Variants in CNTNAP5 observed in about 807,000 individuals in gnomAD.
The protein encoded by CNTNAP5 is contactin-associated protein-like 5.
A neutral mutation model predicts 150.2 loss-of-function variants in CNTNAP5; 72 were observed. The ratio of observed to expected loss-of-function variants is 0.48; its 90% CI spans 0.40 to 0.58. The LOEUF (loss-of-function observed/expected upper bound fraction) is 0.58, where lower values mean the gene tolerates loss of function less well. Ranked by LOEUF, CNTNAP5 falls within the 20% of genes least tolerant of loss-of-function variation. CNTNAP5 has a pLI of 0.00. For synonymous variants in CNTNAP5, 672 were observed against 619.8 expected (o/e 1.08, Z -1.25); for missense variants, 1,636 against 1,626.2 (o/e 1.01, Z -0.10).
intron 4 of CNTNAP5, among the ~76,000 whole-genome samples, chr2:124,425,393 T>A (rs1692215205): frequency 2.0e-5 from 3 of 152,338 alleles, no homozygotes; most frequent in African/African-American, 7.2e-5. Context: ...ACACTGTGGC[T>A]TAAGACTACT....
chr2:124,589,391 G>A (rs905629604), intron 11 of CNTNAP5, among the ~76,000 whole-genome samples: 10 of 152,094 alleles, frequency 6.6e-5, no homozygotes, highest in African/African-American at 2.4e-4. Context: ...AATATTTCAT[G>A]GTATGGAAAT....
chr2:124,386,169 T>G (rs1690922002), intron 3 of CNTNAP5, among the ~76,000 whole-genome samples: 1 of 152,206 alleles, frequency 6.6e-6, no homozygotes, highest in Non-Finnish European at 1.5e-5. Context: ...TGCCTGCCTT[T>G]GTATGATAGC....
At chr2:124,524,644 C>T (rs555444032) in intron 9 of CNTNAP5, among the ~76,000 whole-genome samples, 192 bp downstream of exon 9, 41 of 152,230 alleles carry the variant, frequency 2.7e-4, no homozygotes, top group South Asian at 2.1e-3. Context: ...CAGCTGTGTG[C>T]AAATATAAAT....
intron 1 of CNTNAP5, among the ~76,000 whole-genome samples, chr2:124,145,677 G>A (rs1379550767): frequency 2.3e-5 from 3 of 129,342 alleles, no homozygotes; most frequent in Admixed American, 8.0e-5. Flanking sequence ...ATAGCATTGG[G>A]AGATATACCT....
intron 3 of CNTNAP5, among the ~76,000 whole-genome samples, chr2:124,320,236 A>C (rs1007412907): frequency 1.3e-5 from 2 of 152,180 alleles, no homozygotes; most frequent in African/African-American, 4.8e-5. Flanking sequence ...TTTAATGGAA[A>C]CAGATGTTGA....
At chr2:124,027,498 C>T (rs533755963) in intron 1 of CNTNAP5, among the ~76,000 whole-genome samples, 2 of 152,316 alleles carry the variant, frequency 1.3e-5, no homozygotes, top group South Asian at 2.1e-4. Flanking sequence ...CTTTCTAATG[C>T]AACACCTTTT....
intron 1 of CNTNAP5, among the ~76,000 whole-genome samples, chr2:124,069,558 C>T (rs1345871510): frequency 6.6e-6 from 1 of 151,834 alleles, no homozygotes; most frequent in Non-Finnish European, 1.5e-5. Flanking sequence ...GTGCTGGCTT[C>T]AGGTCTGAAC....
intron 19 of CNTNAP5, among the ~76,000 whole-genome samples, chr2:124,845,820 A>T (rs894409586): frequency 6.6e-6 from 1 of 152,188 alleles, no homozygotes; most frequent in South Asian, 2.1e-4. Flanking sequence ...TTTTTGTGTT[A>T]TCAGTAGTAA....
At chr2:124,341,809 C>T (rs992576710) in intron 3 of CNTNAP5, among the ~76,000 whole-genome samples, 2 of 152,058 alleles carry the variant, frequency 1.3e-5, no homozygotes, top group African/African-American at 4.8e-5. Flanking sequence ...TTGTAGTTTG[C>T]GTGTTATGAG....
intron 17 of CNTNAP5, among the ~76,000 whole-genome samples, chr2:124,776,950 AT>A (rs980921461): frequency 6.6e-6 from 1 of 152,028 alleles, no homozygotes; most frequent in Non-Finnish European, 1.5e-5. Flanking sequence ...GTATACTTCA[AT>A]TTTTTTAGGA....
chr2:124,865,411 G>A lies in CNTNAP5; in HGVS notation c.3323G>A (p.Arg1108Gln), dbSNP rs1461542843. Residue 1108 changes from arginine to glutamine, a missense_variant, in exon 20 of 24, where the codon CGA (arginine) becomes CAA (glutamine). Physicochemically the swap from Arg to Gln is conservative, Grantham distance 43. Transcript: ENST00000682447. ...NRRMHHLKIN[R>Q]EGRELTIQMD... is the part of the protein sequence containing the mutation. The stretch of plus-strand genomic sequence containing the variant: ...AGGATGCACCACTTGAAGATTAACC[G>A]AGAGGGAAGAGAGCTTACCATTCAG... 34 of 1,551,732 alleles carry A rather than the reference G, an allele frequency of 2.2e-5. No individual in the cohort carries two copies. Among genetic ancestry groups the A allele is most frequent in the Middle Eastern group, 3.3e-4 (2 of 6,012 alleles).
intron 1 of CNTNAP5, among the ~76,000 whole-genome samples, chr2:124,108,524 G>C (rs1353687558): frequency 2.0e-5 from 3 of 152,136 alleles, no homozygotes; most frequent in Non-Finnish European, 4.4e-5. Context: ...ATTTGTAACA[G>C]AGTTTGCACG....
chr2:124,659,339 C>T (rs910577718), intron 13 of CNTNAP5, among the ~76,000 whole-genome samples: 19 of 151,906 alleles, frequency 1.3e-4, no homozygotes, highest in African/African-American at 3.6e-4. Context: ...TATATGGTAG[C>T]GGTGATTTCA....
At chr2:124,226,223 A>G (rs1439832934) in intron 2 of CNTNAP5, among the ~76,000 whole-genome samples, 1 of 151,834 alleles carries the variant, frequency 6.6e-6, no homozygotes, top group Non-Finnish European at 1.5e-5. Context: ...TACATTCCCA[A>G]CAACAGTGTA....
At position 124,156,539 on chromosome 2, in the gene CNTNAP5, A is replaced by G. The variant is rs570260088; in HGVS notation, c.83-65166A>G. 6.1e-4 allele frequency among the ~76,000 whole-genome samples: 93 copies of G among 152,282 alleles called. 1 individual carries two copies. In the South Asian group the frequency reaches 0.019, roughly 31 times the overall value. ...GATACAGAGTCTCTCTCTGTTGCCC[A>G]GGCTGGATTGCAATGCTGTGGTCTT... On this transcript the variant is annotated intron_variant, in intron 1 of 23. Transcript: ENST00000682447.
rs142625147 is a variant in CNTNAP5, at chr2:124,917,381, T to C, written c.*3093T>C. 8.8e-4 allele frequency among the ~76,000 whole-genome samples: 134 copies of C among 152,264 alleles called. 1 individual carries two copies. Among genetic ancestry groups the C allele is most frequent in the Admixed American group, 2.9e-3 (44 of 15,278 alleles). On this transcript the variant is annotated 3_prime_UTR_variant, in exon 24 of 24. Transcript: ENST00000682447. The stretch of plus-strand genomic sequence containing the variant: ...CAGTATATTTGCTTACTCTAAAATA[T>C]ATTTATCCTACTGCATCATTTATTG...
At chr2:124,616,893 A>T (rs1444486766) in intron 12 of CNTNAP5, among the ~76,000 whole-genome samples, 1 of 152,130 alleles carries the variant, frequency 6.6e-6, no homozygotes, top group Non-Finnish European at 1.5e-5. Context: ...AATTAAGTTC[A>T]TTGCCTTATA....
At chr2:124,366,247 T>A (rs1045393157) in intron 3 of CNTNAP5, among the ~76,000 whole-genome samples, 1 of 152,180 alleles carries the variant, frequency 6.6e-6, no homozygotes, top group Non-Finnish European at 1.5e-5. Flanking sequence ...AATGCAGCAC[T>A]GCATATAAAG....
At chr2:124,121,793 C>A (rs1558763750) in intron 1 of CNTNAP5, among the ~76,000 whole-genome samples, 1 of 152,160 alleles carries the variant, frequency 6.6e-6, no homozygotes, top group Non-Finnish European at 1.5e-5. Context: ...CCACATTGAT[C>A]TTTCCCTTAT....
Sources: allele counts gnomAD v4.1 joint callset (sites outside exome capture counted in the v4.1 genomes callset), GRCh38; gene constraint gnomAD v4.1.1; transcripts MANE v1.5; gene names NCBI Gene and HGNC (gene_info 2026-07-23, HGNC 2026-07-21).